STIM1: variants seen among roughly 807,000 people sequenced by gnomAD.
STIM1 encodes stromal interaction molecule 1.
Under a neutral mutation model 74.7 loss-of-function variants are expected in STIM1, and 25 were observed. That is an observed-to-expected ratio of 0.33 (90% CI 0.24 to 0.47). The LOEUF (loss-of-function observed/expected upper bound fraction) is 0.47, where lower values mean the gene tolerates loss of function less well. STIM1 is among the 20% of genes least tolerant of loss of function. STIM1 has a pLI of 1.00. For synonymous variants in STIM1, 328 were observed against 348.8 expected (o/e 0.94, Z 0.66); for missense variants, 728 against 920.8 (o/e 0.79, Z 2.71).
At chr11:3,915,780 G>A (rs2092634775) in intron 1 of STIM1, among the ~76,000 whole-genome samples, 1 of 152,168 alleles carries the variant, frequency 6.6e-6, no homozygotes, top group South Asian at 2.1e-4. Flanking sequence ...AGTTTGACCA[G>A]CATGGTGGCT....
chr11:3,944,989 C>A (rs957055951), intron 1 of STIM1, among the ~76,000 whole-genome samples: 2 of 152,178 alleles, frequency 1.3e-5, no homozygotes. Flanking sequence ...CCTCCATATT[C>A]TCTGACTTCC....
intron 1 of STIM1, among the ~76,000 whole-genome samples, chr11:3,875,334 GA>G (rs952045934): frequency 1.3e-5 from 2 of 152,164 alleles, no homozygotes; most frequent in African/African-American, 4.8e-5. Context: ...TCACTGACTT[GA>G]AAACAATTGA....
intron 2 of STIM1, among the ~76,000 whole-genome samples, chr11:4,012,576 T>C (rs2093848595): frequency 6.6e-6 from 1 of 152,258 alleles, no homozygotes; most frequent in Non-Finnish European, 1.5e-5. Flanking sequence ...ATTGCTTTTA[T>C]ATCCTGAGAC....
chr11:3,952,927 A>C lies in STIM1; in HGVS notation c.140-14625A>C, dbSNP rs550006408. 3.9e-5 allele frequency among the ~76,000 whole-genome samples: 6 copies of C among 152,342 alleles called. No homozygotes were observed. The East Asian group carries it at 1.2e-3, about 29-fold the overall frequency. ...ATCATAACAGTTGGACAGCTCCTGC[A>C]TCAGAAGCCCATGTTATTGAGGTCA... is the stretch of plus-strand genomic sequence containing the variant. On this transcript the variant is annotated intron_variant, in intron 1 of 12. Coordinates refer to ENST00000526596, the MANE Select transcript of STIM1 (RefSeq NM_001382567.1).
In STIM1 at chr11:3,955,503, G is replaced by A. The variant is rs77230314; in HGVS notation, c.140-12049G>A. ...ACTCATGGTAGTATTGACTGGAAAG[G>A]GGCAAGAAGGGTGGAGCCTTCCTGG... On this transcript the variant is annotated intron_variant, in intron 1 of 12. Transcript: ENST00000526596. 1.1e-3 allele frequency among the ~76,000 whole-genome samples: 171 copies of A among 152,176 alleles called. 1 individual carries two copies. Among genetic ancestry groups the A allele is most frequent in the African/African-American group, 3.9e-3 (163 of 41,502 alleles).
At chr11:3,908,807 A>G (rs1369665041) in intron 1 of STIM1, among the ~76,000 whole-genome samples, 2 of 152,134 alleles carry the variant, frequency 1.3e-5, no homozygotes, top group African/African-American at 4.8e-5. Flanking sequence ...CGAAGTCTGA[A>G]TTTCCTGAAC....
chr11:3,912,213 C>T (rs1171962601), intron 1 of STIM1, among the ~76,000 whole-genome samples: 1 of 111,240 alleles, frequency 9.0e-6, no homozygotes, highest in African/African-American at 3.4e-5. Context: ...CTACCTTCTC[C>T]CCTCCCTTCT....
intron 4 of STIM1, 22 bp from the exon 5 acceptor site, chr11:4,059,259 C>G: frequency 6.2e-7 from 1 of 1,601,792 alleles, no homozygotes; most frequent in Non-Finnish European, 8.6e-7. Flanking sequence ...GGGAACTGAT[C>G]TGCTACTCTT....
chr11:4,069,893 G>C (rs1429924105), intron 5 of STIM1, 133 bp from the exon 6 acceptor site: 5 of 970,168 alleles, frequency 5.2e-6, no homozygotes, highest in African/African-American at 1.6e-5. Flanking sequence ...TATCTAAGAA[G>C]AGAAACTAAT....
chr11:4,037,001 A>G (rs1255887145), intron 3 of STIM1, among the ~76,000 whole-genome samples: 2 of 151,922 alleles, frequency 1.3e-5, no homozygotes, highest in Admixed American at 1.3e-4. Flanking sequence ...AAGTCTACAT[A>G]TCTTTATCAA....
At chr11:4,073,009 CT>C (rs1431617066) in intron 6 of STIM1, among the ~76,000 whole-genome samples, 1 of 126,686 alleles carries the variant, frequency 7.9e-6, no homozygotes, top group African/African-American at 2.9e-5. Flanking sequence ...TCCATGATGT[CT>C]TTTGAAGTCT....
chr11:4,086,959 G>T (rs183406847), intron 12 of STIM1: 84 of 1,433,144 alleles, frequency 5.9e-5, no homozygotes, highest in Admixed American at 4.5e-4. Flanking sequence ...AACTCTGGGG[G>T]TGTGTGCAGT....
At chr11:4,052,528 T>C (rs929300993) in intron 3 of STIM1, among the ~76,000 whole-genome samples, 10 of 152,234 alleles carry the variant, frequency 6.6e-5, no homozygotes, top group South Asian at 4.1e-4. Context: ...GAAAACTGGC[T>C]AGCCATATGT....
At chr11:3,938,941 T>C (rs138318730) in intron 1 of STIM1, among the ~76,000 whole-genome samples, 2 of 152,314 alleles carry the variant, frequency 1.3e-5, no homozygotes, top group East Asian at 3.9e-4. Context: ...AACCAGTATC[T>C]TGAAACCCCT....
Position 3,895,711 on chromosome 11 carries a change from TTTC to T in STIM1, c.139+39305_139+39307del, listed in dbSNP as rs1565105154. Among the ~76,000 whole-genome samples, 252 of 35,868 alleles carry T rather than the reference TTTC, an allele frequency of 7.0e-3. 3 individuals are homozygous for T. The highest frequency in any genetic ancestry group is 0.016 in the African/African-American group (96 of 5,876). 23.5% of individuals were successfully genotyped at this position (35,868 alleles called of 152,430 possible). ...CTTTCTTTCTTTCTTTCTTTCTTTC[TTTC>T]TTTCTTTCTTTCTTTCTTTCTTTTT... On this transcript the variant is annotated intron_variant, in intron 1 of 12. Transcript: ENST00000526596.
chr11:4,067,242 G>A (rs2094373520), intron 5 of STIM1, among the ~76,000 whole-genome samples: 1 of 152,200 alleles, frequency 6.6e-6, no homozygotes, highest in Non-Finnish European at 1.5e-5. Flanking sequence ...TTGGGGCAGA[G>A]GCAAACATAG....
At chr11:3,956,280 G>A (rs985941840) in intron 1 of STIM1, among the ~76,000 whole-genome samples, 8 of 152,166 alleles carry the variant, frequency 5.3e-5, no homozygotes, top group Non-Finnish European at 2.9e-5. Flanking sequence ...CATGCTGTGT[G>A]CAGGATAAGA....
At chr11:3,963,754 T>C (rs2093313321) in intron 1 of STIM1, among the ~76,000 whole-genome samples, 1 of 152,188 alleles carries the variant, frequency 6.6e-6, no homozygotes, top group Non-Finnish European at 1.5e-5. Flanking sequence ...ACCCAGTATG[T>C]TGAATGTTAC....
At chr11:3,897,696 G>A (rs1268082300) in intron 1 of STIM1, among the ~76,000 whole-genome samples, 12 of 151,526 alleles carry the variant, frequency 7.9e-5, no homozygotes, top group African/African-American at 9.7e-5. Context: ...CCCAGAGTGT[G>A]ATGTTCCCCT....
Sources: gnomAD v4.1 joint callset for allele counts (sites outside exome capture counted in the v4.1 genomes callset) on GRCh38, gnomAD v4.1.1 for gene constraint, MANE v1.5 for transcripts, NCBI Gene and HGNC (gene_info 2026-07-23, HGNC 2026-07-21) for gene names.